WDR70: variants seen among roughly 807,000 people sequenced by gnomAD.
WDR70 encodes the protein WD repeat domain 70, also known as WD repeat-containing protein 70.
A neutral mutation model predicts 88.6 loss-of-function variants in WDR70; 53 were observed. The observed-to-expected ratio is 0.60, with a 90% CI of 0.48 to 0.75. WDR70 has a LOEUF of 0.75. Ranked by LOEUF, WDR70 falls within the 30% of genes least tolerant of loss-of-function variation. WDR70 has a pLI of 0.00. For synonymous variants in WDR70, 280 were observed against 270.0 expected, an observed-to-expected ratio of 1.04 and a Z score of -0.36; for missense variants, 610 against 823.2, an observed-to-expected ratio of 0.74 and a Z score of 3.17.
chr5:37,480,033 T>G (rs748411504), intron 8 of WDR70, 46 bp downstream of exon 8: 3 of 1,568,832 alleles, frequency 1.9e-6, no homozygotes, highest in Admixed American at 1.9e-5. Context: ...CAGCACACAT[T>G]TATTAACAAC....
intron 7 of WDR70, among the ~76,000 whole-genome samples, chr5:37,444,791 C>T (rs1276999883): frequency 1.3e-5 from 2 of 152,240 alleles, no homozygotes; most frequent in Admixed American, 1.3e-4. Flanking sequence ...CTAGGGGTAG[C>T]GTGGAGGTCG....
intron 5 of WDR70, among the ~76,000 whole-genome samples, chr5:37,420,717 G>A (rs1042669007): frequency 6.6e-6 from 1 of 152,124 alleles, no homozygotes; most frequent in Non-Finnish European, 1.5e-5. Flanking sequence ...TTTGAGACCA[G>A]CCTGGCCAAC....
At chr5:37,506,442 T>C (rs1325457125) in intron 8 of WDR70, 1 of 769,654 alleles carries the variant, frequency 1.3e-6, no homozygotes, top group Admixed American at 1.7e-5. Context: ...AGGACTTTGG[T>C]CAATTAAGAA....
At chr5:37,713,878 A>G (rs1392257655) in intron 13 of WDR70, among the ~76,000 whole-genome samples, 1 of 152,196 alleles carries the variant, frequency 6.6e-6, no homozygotes, top group Non-Finnish European at 1.5e-5. Flanking sequence ...AATCTGATGA[A>G]TGATCTTTGG....
chr5:37,392,427 A>G (rs1034202851), intron 4 of WDR70, among the ~76,000 whole-genome samples: 1 of 151,176 alleles, frequency 6.6e-6, no homozygotes, highest in Non-Finnish European at 1.5e-5. Context: ...CAGTTGATCC[A>G]CCCGCCTCAG....
chr5:37,532,139 A>G, intron 9 of WDR70, among the ~76,000 whole-genome samples: 1 of 152,216 alleles, frequency 6.6e-6, no homozygotes, highest in East Asian at 1.9e-4. Flanking sequence ...TGTTAATCCA[A>G]CAGGTTTTCC....
At chr5:37,381,455 A>G (rs182763759) in intron 2 of WDR70, 147 bp from the exon 3 acceptor site, 52 of 644,612 alleles carry the variant, frequency 8.1e-5, no homozygotes, top group South Asian at 5.0e-5. Context: ...CTGTGACTCA[A>G]ACTCCTTCTT....
At chr5:37,718,811 A>G (rs1293375719) in intron 13 of WDR70, among the ~76,000 whole-genome samples, 1 of 152,160 alleles carries the variant, frequency 6.6e-6, no homozygotes, top group African/African-American at 2.4e-5. Flanking sequence ...CCAGACACTA[A>G]TCTAGGCACT....
intron 10 of WDR70, among the ~76,000 whole-genome samples, chr5:37,658,160 T>C (rs2112571779): frequency 6.6e-6 from 1 of 151,652 alleles, no homozygotes; most frequent in East Asian, 2.0e-4. Context: ...CATCTTCACA[T>C]TTAGTAGGTT....
At chr5:37,751,200 A>T (rs1748798129) in intron 17 of WDR70, among the ~76,000 whole-genome samples, 1 of 152,214 alleles carries the variant, frequency 6.6e-6, no homozygotes, top group South Asian at 2.1e-4. Flanking sequence ...TGTAATAAGC[A>T]CCAATTGCCT....
At chr5:37,741,309 C>T (rs1320933423) in intron 17 of WDR70, among the ~76,000 whole-genome samples, 3 of 148,820 alleles carry the variant, frequency 2.0e-5, no homozygotes, top group Admixed American at 6.7e-5. Flanking sequence ...AACTTACTAT[C>T]TTAACCATTT....
intron 8 of WDR70, among the ~76,000 whole-genome samples, chr5:37,515,019 GAAA>G (rs770128168): frequency 1.9e-5 from 1 of 53,018 alleles, no homozygotes; most frequent in Non-Finnish European, 4.4e-5. Context: ...CCTGTCTCAA[GAAA>G]AAAAAAAAAA....
intron 10 of WDR70, among the ~76,000 whole-genome samples, chr5:37,630,407 G>T (rs916589467): frequency 6.6e-6 from 1 of 152,190 alleles, no homozygotes; most frequent in East Asian, 1.9e-4. Context: ...GATGTGAGGG[G>T]GTTGGGCAGG....
chr5:37,697,614 T>C (rs1346414846), intron 10 of WDR70, 41 bp from the exon 11 acceptor site: 2 of 1,527,956 alleles, frequency 1.3e-6, no homozygotes, highest in South Asian at 2.2e-5. Context: ...CTCTTCTGAA[T>C]TGAGGTGAGA....
At chr5:37,463,491 GC>G (rs1230163237) in intron 7 of WDR70, among the ~76,000 whole-genome samples, 3 of 152,122 alleles carry the variant, frequency 2.0e-5, no homozygotes, top group African/African-American at 4.8e-5. Context: ...TGCTAGCTGA[GC>G]AAAAACTACT....
chr5:37,410,298 CA>C (rs1165239003), intron 5 of WDR70, among the ~76,000 whole-genome samples: 1 of 151,644 alleles, frequency 6.6e-6, no homozygotes, highest in Non-Finnish European at 1.5e-5. Context: ...CATGGCCTCC[CA>C]AAGTGCTGGG....
At chr5:37,527,783 C>G (rs1444637460) in intron 9 of WDR70, among the ~76,000 whole-genome samples, 4 of 151,952 alleles carry the variant, frequency 2.6e-5, no homozygotes, top group Admixed American at 2.0e-4. Context: ...AAGAAACTTA[C>G]AAGAAAAAAA....
At chr5:37,719,172 T>C (rs1747733712) in intron 13 of WDR70, among the ~76,000 whole-genome samples, 1 of 152,190 alleles carries the variant, frequency 6.6e-6, no homozygotes, top group African/African-American at 2.4e-5. Flanking sequence ...TCCAGTGGTC[T>C]ATCTCAAATT....
intron 17 of WDR70, among the ~76,000 whole-genome samples, chr5:37,736,020 A>C (rs1376912331): frequency 6.6e-6 from 1 of 152,198 alleles, no homozygotes; most frequent in African/African-American, 2.4e-5. Context: ...TTTCAAACAC[A>C]GCAGGATCAC....
Sources: allele counts gnomAD v4.1 joint callset (sites outside exome capture counted in the v4.1 genomes callset), GRCh38; gene constraint gnomAD v4.1.1; transcripts MANE v1.5; gene names NCBI Gene and HGNC (gene_info 2026-07-23, HGNC 2026-07-21).